CDK14: variants seen among roughly 807,000 people sequenced by gnomAD.
CDK14 encodes cyclin-dependent kinase 14.
A neutral mutation model predicts 60.7 loss-of-function variants in CDK14; 34 were observed. The observed-to-expected ratio is 0.56, with a 90% confidence interval of 0.43 to 0.75. The LOEUF (loss-of-function observed/expected upper bound fraction) is 0.75, where lower values mean the gene tolerates loss of function less well. Among genes scored for constraint, CDK14 ranks in the 30% least tolerant of loss-of-function variants. The pLI, the probability that CDK14 is intolerant of heterozygous loss-of-function variation, is 0.00. For synonymous variants in CDK14, 197 were observed against 203.7 expected (o/e 0.97, Z 0.28); for missense variants, 482 against 564.1 (o/e 0.85, Z 1.47).
At chr7:90,881,779 T>C (rs763536717) in intron 6 of CDK14, among the ~76,000 whole-genome samples, 2 of 152,170 alleles carry the variant, frequency 1.3e-5, no homozygotes, top group Non-Finnish European at 2.9e-5. Context: ...TGGAGGCCAA[T>C]ATTCAATATT....
chr7:91,062,147 G>A (rs1231258321), intron 11 of CDK14, among the ~76,000 whole-genome samples: 1 of 152,160 alleles, frequency 6.6e-6, no homozygotes, highest in Non-Finnish European at 1.5e-5. Flanking sequence ...TTTGATTTCA[G>A]ACTGCTGTGC....
At position 91,098,134 on chromosome 7, in the gene CDK14, C is replaced by A. The variant is rs377076907; in HGVS notation, c.1155-14408C>A. On this transcript the variant is annotated intron_variant, in intron 12 of 14. Transcript: ENST00000380050. Reference sequence around the variant, plus strand: ...CTTGCTTTAGACATAAGCCGTTTATCTTTCTTTCATAATGAAAGCATATAT... The same window carrying A: ...CTTGCTTTAGACATAAGCCGTTTATATTTCTTTCATAATGAAAGCATATAT... Among the ~76,000 whole-genome samples, 4 of 152,306 alleles carry A rather than the reference C, an allele frequency of 2.6e-5. No homozygotes were observed. In the East Asian group the frequency reaches 7.7e-4, roughly 29 times the overall value.
intron 8 of CDK14, among the ~76,000 whole-genome samples, chr7:90,918,569 C>T (rs1304118473): frequency 1.3e-5 from 2 of 152,188 alleles, no homozygotes; most frequent in Admixed American, 6.5e-5. Context: ...CTGAGCACCA[C>T]GGGATGCCTG....
At chr7:90,646,734 A>G (rs944535176) in intron 2 of CDK14, among the ~76,000 whole-genome samples, 21 of 152,046 alleles carry the variant, frequency 1.4e-4, no homozygotes, top group Admixed American at 1.2e-3. Context: ...TATAGATCCA[A>G]CTCATTCTGT....
intron 4 of CDK14, among the ~76,000 whole-genome samples, chr7:90,767,318 TTAA>T (rs1201909742): frequency 1.3e-5 from 2 of 152,212 alleles, no homozygotes; most frequent in Non-Finnish European, 2.9e-5. Flanking sequence ...ACCTTCCTTG[TTAA>T]TAATTAACTG....
intron 6 of CDK14, among the ~76,000 whole-genome samples, chr7:90,873,633 GTATTTAGATTAAGTCAA>G (rs1791450794): frequency 6.6e-6 from 1 of 152,116 alleles, no homozygotes. Context: ...AGTTATGTAT[GTATTTAGATTAAGTCAA>G]TTAGTTCCAG....
At chr7:90,634,479 T>A (rs909724672) in intron 2 of CDK14, among the ~76,000 whole-genome samples, 1 of 151,856 alleles carries the variant, frequency 6.6e-6, no homozygotes, top group African/African-American at 2.4e-5. Context: ...TTTTTATGGC[T>A]GCATAGTATT....
Position 91,058,092 on chromosome 7 carries a change from T to A in CDK14, c.1105+12132T>A, listed in dbSNP as rs1797646204. ...CCTCTTTTATTTCGTTGAGCAGTGG[T>A]TTGTAGTTCTCCTTGAAGAGGTCCT... On this transcript the variant is annotated intron_variant, in intron 11 of 14. Coordinates refer to ENST00000380050, the MANE Select transcript of CDK14 (RefSeq NM_001287135.2). Among the ~76,000 whole-genome samples the A allele has an allele frequency of 4.6e-5, 7 of 152,134 alleles. No homozygotes were observed. In the South Asian group the frequency reaches 1.5e-3, roughly 32 times the overall value.
chr7:91,049,242 A>G (rs1797324532), intron 11 of CDK14, among the ~76,000 whole-genome samples: 1 of 152,126 alleles, frequency 6.6e-6, no homozygotes, highest in Admixed American at 6.5e-5. Context: ...CTTCTTTGAG[A>G]TTTGAAAAAT....
At chr7:90,613,984 C>T (rs995186666) in intron 2 of CDK14, among the ~76,000 whole-genome samples, 2 of 148,108 alleles carry the variant, frequency 1.4e-5, no homozygotes, top group Middle Eastern at 3.3e-3. Context: ...GTGTTTGAGA[C>T]TATTTTTTAT....
chr7:90,895,792 T>C (rs1389312646), intron 6 of CDK14, among the ~76,000 whole-genome samples: 1 of 145,332 alleles, frequency 6.9e-6, no homozygotes, highest in Non-Finnish European at 1.5e-5. Flanking sequence ...CTCAGGCTGG[T>C]CTTGAACTTC....
At chr7:91,090,816 A>G (rs1191363666) in intron 12 of CDK14, among the ~76,000 whole-genome samples, 2 of 152,110 alleles carry the variant, frequency 1.3e-5, no homozygotes, top group Non-Finnish European at 2.9e-5. Context: ...GTTTCAAAGC[A>G]TGGCATTTCG....
chr7:90,847,674 A>G (rs1428806607), intron 5 of CDK14, among the ~76,000 whole-genome samples: 1 of 152,166 alleles, frequency 6.6e-6, no homozygotes, highest in African/African-American at 2.4e-5. Flanking sequence ...CATGATTTTT[A>G]TGTTATATAA....
intron 7 of CDK14, among the ~76,000 whole-genome samples, chr7:90,913,562 G>A (rs1792978240): frequency 2.6e-5 from 4 of 152,326 alleles, no homozygotes; most frequent in African/African-American, 9.6e-5. Context: ...TTCTTATTAG[G>A]AGAAAGGGAA....
intron 2 of CDK14, among the ~76,000 whole-genome samples, chr7:90,638,501 C>T (rs1239690079): frequency 2.0e-5 from 3 of 152,230 alleles, no homozygotes; most frequent in East Asian, 1.9e-4. Flanking sequence ...GAGAGATCCG[C>T]TGTTAGTCTG....
intron 2 of CDK14, among the ~76,000 whole-genome samples, chr7:90,691,576 C>T (rs117572779): frequency 6.6e-6 from 1 of 152,054 alleles, no homozygotes; most frequent in African/African-American, 2.4e-5. Flanking sequence ...TAAAATTGGC[C>T]TTTATTCTGA....
chr7:90,643,893 A>C (rs1199720431), intron 2 of CDK14, among the ~76,000 whole-genome samples: 1 of 152,194 alleles, frequency 6.6e-6, no homozygotes, highest in Non-Finnish European at 1.5e-5. Flanking sequence ...AACGATATAA[A>C]TCAGATGGAA....
At chr7:90,676,442 G>C (rs766475188) in intron 2 of CDK14, among the ~76,000 whole-genome samples, 16 of 152,054 alleles carry the variant, frequency 1.1e-4, no homozygotes, top group Non-Finnish European at 2.1e-4. Context: ...GCTGGGGAGA[G>C]GTTGGGTGGA....
At chr7:91,105,950 C>T (rs932158002) in intron 12 of CDK14, among the ~76,000 whole-genome samples, 2 of 151,978 alleles carry the variant, frequency 1.3e-5, no homozygotes, top group East Asian at 1.9e-4. Flanking sequence ...TTGAACTGAG[C>T]GATGGCTCTG....
Sources: gnomAD v4.1 joint callset for allele counts (sites outside exome capture counted in the v4.1 genomes callset) on GRCh38, gnomAD v4.1.1 for gene constraint, MANE v1.5 for transcripts, NCBI Gene and HGNC (gene_info 2026-07-23, HGNC 2026-07-21) for gene names.